The following SEZ6L variants were observed in gnomAD, a reference collection of about 807,000 sequenced individuals.
The protein encoded by SEZ6L is seizure related 6 homolog like.
A neutral mutation model predicts 106.2 loss-of-function variants in SEZ6L; 37 were observed. That is an observed-to-expected ratio of 0.35 (90% CI 0.27 to 0.46). The LOEUF (loss-of-function observed/expected upper bound fraction) is 0.46, where lower values mean the gene tolerates loss of function less well. SEZ6L is among the 20% of genes least tolerant of loss of function. SEZ6L has a pLI of 1.00. For synonymous variants in SEZ6L, 541 were observed against 570.4 expected, an observed-to-expected ratio of 0.95 and a Z score of 0.73; for missense variants, 1,172 against 1,332.8, an observed-to-expected ratio of 0.88 and a Z score of 1.88.
chr22:26,192,663 C>T (rs1940309272), intron 1 of SEZ6L, among the ~76,000 whole-genome samples: 1 of 152,208 alleles, frequency 6.6e-6, no homozygotes, highest in Admixed American at 6.5e-5. Context: ...CGATATATTA[C>T]TTTCAGCTCT....
At chr22:26,235,976 T>C (rs1036764774) in intron 1 of SEZ6L, among the ~76,000 whole-genome samples, 1 of 152,244 alleles carries the variant, frequency 6.6e-6, no homozygotes, top group Non-Finnish European at 1.5e-5. Context: ...GAAGATGCTC[T>C]CATAACATCA....
chr22:26,290,661 T>G (rs977628829), intron 1 of SEZ6L, among the ~76,000 whole-genome samples: 25 of 152,358 alleles, frequency 1.6e-4, no homozygotes, highest in African/African-American at 5.8e-4. Context: ...CCAGCCATAG[T>G]GAGATCCGTC....
chr22:26,266,586 TAAATAAATAAATA>T (rs970309322), intron 1 of SEZ6L, among the ~76,000 whole-genome samples: 6 of 51,516 alleles, frequency 1.2e-4, no homozygotes, highest in African/African-American at 3.8e-4. Flanking sequence ...AATAAATAAA[TAAATAAATAAATA>T]AATAAATAAA....
At chr22:26,185,366 C>T (rs547542603) in intron 1 of SEZ6L, among the ~76,000 whole-genome samples, 12 of 152,312 alleles carry the variant, frequency 7.9e-5, no homozygotes, top group East Asian at 1.9e-4. Flanking sequence ...GGAGATGACA[C>T]GGTTGCCAAA....
Position 26,221,740 on chromosome 22 carries a change from G to GCACACACACA in SEZ6L, c.94+52001_94+52010dup, listed in dbSNP as rs3222745. 8.2e-3 allele frequency among the ~76,000 whole-genome samples: 1,226 copies of GCACACACACA among 149,388 alleles called. 11 individuals are homozygous for GCACACACACA. The highest frequency in any genetic ancestry group is 0.045 in the Middle Eastern group (13 of 290). The stretch of plus-strand genomic sequence containing the variant: ...TGAATTCATGCGCGTGCACACGCGT[G>GCACACACACA]CACACACACACACACACACACACAC... On this transcript the variant is annotated intron_variant, in intron 1 of 16. Transcript: ENST00000248933.
At chr22:26,342,490 C>A (rs2082868047) in intron 10 of SEZ6L, among the ~76,000 whole-genome samples, 1 of 151,680 alleles carries the variant, frequency 6.6e-6, no homozygotes, top group Non-Finnish European at 1.5e-5. Flanking sequence ...GAGATCGAGA[C>A]CATCCTGGCT....
intron 1 of SEZ6L, among the ~76,000 whole-genome samples, chr22:26,209,890 A>G (rs1266015664): frequency 6.8e-6 from 1 of 146,016 alleles, no homozygotes; most frequent in East Asian, 2.3e-4. Context: ...GAAAGAAGGG[A>G]GAGAGGAAGG....
chr22:26,232,558 T>C (rs115940205), intron 1 of SEZ6L, among the ~76,000 whole-genome samples: 1 of 152,300 alleles, frequency 6.6e-6, no homozygotes, highest in African/African-American at 2.4e-5. Flanking sequence ...TATAATACCA[T>C]ATTTTCACCG....
intron 10 of SEZ6L, among the ~76,000 whole-genome samples, chr22:26,341,299 A>G (rs545913005): frequency 6.6e-6 from 1 of 152,126 alleles, no homozygotes; most frequent in South Asian, 2.1e-4. Flanking sequence ...ATCAAATTCA[A>G]GCTAAGCTCA....
In SEZ6L at chr22:26,310,841, G is replaced by A; in HGVS notation, c.1681+5G>A. ...CCTTCAACATCCGATTTGAAGGTGA[G>A]GGTCCCTGGGAGCTTCCCTTTCTCT... On this transcript the variant is annotated splice_donor_5th_base_variant and intron_variant, in intron 7 of 16. Transcript: ENST00000248933. The A allele has an allele frequency of 6.2e-7, 1 of 1,613,204 alleles. No individual in the cohort carries two copies.
intron 12 of SEZ6L, among the ~76,000 whole-genome samples, chr22:26,357,358 G>A (rs147932555): frequency 2.4e-4 from 36 of 152,284 alleles, no homozygotes; most frequent in Middle Eastern, 6.8e-3. Flanking sequence ...AAAACAGTAA[G>A]GTATAAACAG....
At chr22:26,255,377 A>G (rs1021760044) in intron 1 of SEZ6L, among the ~76,000 whole-genome samples, 5 of 152,212 alleles carry the variant, frequency 3.3e-5, no homozygotes, top group African/African-American at 1.2e-4. Flanking sequence ...TTCATAGAGA[A>G]GAAGAATCCC....
intron 5 of SEZ6L, among the ~76,000 whole-genome samples, chr22:26,304,417 A>AAAGAAAGG (rs2081569042): frequency 6.7e-6 from 1 of 149,798 alleles, no homozygotes; most frequent in African/African-American, 2.5e-5. Flanking sequence ...AGAAAGAAAG[A>AAAGAAAGG]AAGAAAGAAA....
chr22:26,208,116 C>T (rs749317807), intron 1 of SEZ6L, among the ~76,000 whole-genome samples: 1 of 151,904 alleles, frequency 6.6e-6, no homozygotes, highest in Non-Finnish European at 1.5e-5. Flanking sequence ...GGGGTTTCAC[C>T]GTGTTAGCCA....
chr22:26,216,630 T>C (rs916285654), intron 1 of SEZ6L, among the ~76,000 whole-genome samples: 17 of 151,876 alleles, frequency 1.1e-4, no homozygotes, highest in African/African-American at 3.9e-4. Flanking sequence ...CACTCCAGCC[T>C]TGGTGACAGA....
At chr22:26,175,913 CT>C (rs1938967334) in intron 1 of SEZ6L, among the ~76,000 whole-genome samples, 1 of 152,190 alleles carries the variant, frequency 6.6e-6, no homozygotes. Flanking sequence ...AGTTAAGATG[CT>C]TTGCACATAC....
chr22:26,354,760 C>T (rs372467606), intron 12 of SEZ6L, among the ~76,000 whole-genome samples: 3 of 152,346 alleles, frequency 2.0e-5, no homozygotes, highest in South Asian at 2.1e-4. Flanking sequence ...ATTTCCAAGA[C>T]GCAAGCCTCC....
At chr22:26,327,615 C>T (rs908215617) in intron 9 of SEZ6L, among the ~76,000 whole-genome samples, 1 of 149,042 alleles carries the variant, frequency 6.7e-6, no homozygotes, top group Admixed American at 6.7e-5. Flanking sequence ...ACACACACCA[C>T]ATGACACTAA....
chr22:26,243,892 G>A (rs2079228964), intron 1 of SEZ6L, among the ~76,000 whole-genome samples: 1 of 152,090 alleles, frequency 6.6e-6, no homozygotes, highest in South Asian at 2.1e-4. Context: ...ACCTGGCGTG[G>A]TGGCTCACAC....
Sources: allele counts gnomAD v4.1 joint callset (sites outside exome capture counted in the v4.1 genomes callset), GRCh38; gene constraint gnomAD v4.1.1; transcripts MANE v1.5; gene names NCBI Gene and HGNC (gene_info 2026-07-23, HGNC 2026-07-21).